Variants in EZH2 observed in about 807,000 individuals in gnomAD.
EZH2 encodes the protein histone-lysine N-methyltransferase EZH2.
A neutral mutation model predicts 98.4 loss-of-function variants in EZH2; 18 were observed. That is an observed-to-expected ratio of 0.18 (90% confidence interval 0.13 to 0.27). EZH2 has a LOEUF of 0.27. Among genes scored for constraint, EZH2 ranks in the 10% least tolerant of loss-of-function variants. EZH2 has a pLI of 1.00. For missense variants in EZH2, 470 were observed against 935.1 expected (o/e 0.50, Z 6.49); for synonymous variants, 338 against 312.3 (o/e 1.08, Z -0.87).
chr7:148,875,020 C>T (rs1382851125), intron 1 of EZH2, among the ~76,000 whole-genome samples: 1 of 151,878 alleles, frequency 6.6e-6, no homozygotes, highest in Non-Finnish European at 1.5e-5. Flanking sequence ...TCTCATTTAT[C>T]CTTTGAAGAA....
At chr7:148,853,368 T>C (rs1309910538) in intron 1 of EZH2, among the ~76,000 whole-genome samples, 2 of 152,084 alleles carry the variant, frequency 1.3e-5, no homozygotes, top group African/African-American at 2.4e-5. Context: ...GCCAGGATCA[T>C]GCCACTGCAC....
chr7:148,867,867 C>T (rs1818765595), intron 1 of EZH2, among the ~76,000 whole-genome samples: 1 of 152,200 alleles, frequency 6.6e-6, no homozygotes, highest in Admixed American at 6.5e-5. Context: ...GCCAGATACC[C>T]TAAACATCTC....
chr7:148,845,168 A>T (rs1233480664), intron 3 of EZH2, among the ~76,000 whole-genome samples: 2 of 152,200 alleles, frequency 1.3e-5, no homozygotes, highest in African/African-American at 2.4e-5. Flanking sequence ...AATTTCTAAG[A>T]TTTATTCCTC....
At chr7:148,815,112 T>G in intron 13 of EZH2, 73 bp from the exon 14 acceptor site, 1 of 1,540,958 alleles carries the variant, frequency 6.5e-7, no homozygotes, top group Non-Finnish European at 8.8e-7. Flanking sequence ...TTAACACGAG[T>G]ACATTCTTCC....
intron 1 of EZH2, among the ~76,000 whole-genome samples, chr7:148,881,978 A>G (rs368002572): frequency 0.07 from 6,647 of 94,484 alleles, 207 homozygotes; most frequent in Middle Eastern, 0.13. Context: ...GCGCGCACAC[A>G]CACACACACA....
intron 3 of EZH2, among the ~76,000 whole-genome samples, chr7:148,846,032 T>C (rs1585150325): frequency 6.6e-6 from 1 of 152,186 alleles, no homozygotes; most frequent in South Asian, 2.1e-4. Flanking sequence ...ATTTAAAAAT[T>C]CTTATAGAGA....
chr7:148,817,175 C>A, intron 11 of EZH2, 47 bp downstream of exon 11: 2 of 1,555,734 alleles, frequency 1.3e-6, no homozygotes, highest in Non-Finnish European at 8.7e-7. Flanking sequence ...ACAGTTTTAT[C>A]TCTATGTTTG....
At chr7:148,815,112 TA>T in intron 13 of EZH2, 73 bp from the exon 14 acceptor site, 1 of 1,540,958 alleles carries the variant, frequency 6.5e-7, no homozygotes, top group Non-Finnish European at 8.8e-7. Context: ...TTAACACGAG[TA>T]CATTCTTCCC....
intron 3 of EZH2, among the ~76,000 whole-genome samples, chr7:148,839,699 C>G (rs1811944111): frequency 2.0e-5 from 3 of 152,032 alleles, no homozygotes; most frequent in Non-Finnish European, 4.4e-5. Context: ...CGCACACCAC[C>G]ATGCCCAGCT....
intron 14 of EZH2, among the ~76,000 whole-genome samples, chr7:148,814,358 G>A (rs1803986403): frequency 6.6e-6 from 1 of 151,992 alleles, no homozygotes; most frequent in Non-Finnish European, 1.5e-5. Flanking sequence ...TTTTTCATTT[G>A]TTAAATAGTG....
chr7:148,811,896 T>A (rs377543670), intron 15 of EZH2, 176 bp from the exon 16 acceptor site: 5 of 583,274 alleles, frequency 8.6e-6, no homozygotes, highest in Middle Eastern at 3.8e-4. Flanking sequence ...AGAATGGCTA[T>A]GAACATTATG....
chr7:148,825,663 G>A (rs959941281), intron 8 of EZH2, among the ~76,000 whole-genome samples: 2 of 152,280 alleles, frequency 1.3e-5, no homozygotes, highest in African/African-American at 2.4e-5. Flanking sequence ...ATGTGGGGCC[G>A]TTGAGTACAG....
intron 1 of EZH2, among the ~76,000 whole-genome samples, chr7:148,860,592 TGTTTA>T (rs1817521233): frequency 6.6e-6 from 1 of 152,254 alleles, no homozygotes; most frequent in African/African-American, 2.4e-5. Context: ...TCTCATGACC[TGTTTA>T]GTTTATATGT....
intron 1 of EZH2, among the ~76,000 whole-genome samples, chr7:148,859,206 A>T (rs951232827): frequency 1.3e-5 from 2 of 152,162 alleles, no homozygotes; most frequent in Non-Finnish European, 2.9e-5. Context: ...AGTTGGACAG[A>T]AACAGTTAAA....
chr7:148,876,702 G>A (rs1820217920), intron 1 of EZH2, among the ~76,000 whole-genome samples: 1 of 152,158 alleles, frequency 6.6e-6, no homozygotes, highest in South Asian at 2.1e-4. Flanking sequence ...ACACCAAAGA[G>A]GTACAGCTGG....
rs1253081994 is a variant in EZH2 at position 148,826,459 on chromosome 7, T to G, written c.902A>C (p.Asn301Thr). Reference protein sequence around the residue: ...KYDCFLHRKCNYSFHATPNTY... With the variant: ...KYDCFLHRKCTYSFHATPNTY... ...GATAGAAAATGAAAACGTACAATAA[T>G]TGCACTTACGATGTAGGAAGCAGTC... Residue 301 changes from asparagine (N) to threonine (T), a missense_variant, in exon 8 of 20, where the codon AAT becomes ACT. Asn to Thr is a moderately conservative substitution (Grantham distance 65). Coordinates refer to ENST00000320356, the MANE Select transcript of EZH2 (RefSeq NM_004456.5). 1 of 1,574,674 alleles carries G rather than the reference T, an allele frequency of 6.4e-7. No homozygotes were observed. The highest frequency in any genetic ancestry group is 1.8e-5 in the Admixed American group (1 of 55,768).
intron 1 of EZH2, among the ~76,000 whole-genome samples, chr7:148,854,516 G>A (rs912189412): frequency 1.3e-5 from 2 of 151,602 alleles, no homozygotes; most frequent in African/African-American, 2.4e-5. Context: ...CCAAATAAAT[G>A]TTTCTGTTTC....
chr7:148,881,995 CACACAT>C (rs1426829732), intron 1 of EZH2, among the ~76,000 whole-genome samples: 21 of 148,554 alleles, frequency 1.4e-4, no homozygotes, highest in East Asian at 1.4e-3. Context: ...CACACACACA[CACACAT>C]ATGTATCCTA....
chr7:148,841,784 A>G (rs1402445476), intron 3 of EZH2, among the ~76,000 whole-genome samples: 1 of 152,184 alleles, frequency 6.6e-6, no homozygotes, highest in African/African-American at 2.4e-5. Flanking sequence ...AAAAAATGCA[A>G]TCGAGTGTTT....
Sources: gnomAD v4.1 joint callset for allele counts (sites outside exome capture counted in the v4.1 genomes callset) on GRCh38, gnomAD v4.1.1 for gene constraint, MANE v1.5 for transcripts, NCBI Gene and HGNC (gene_info 2026-07-23, HGNC 2026-07-21) for gene names.